The following SLC24A3 variants were observed in gnomAD, a reference collection of about 807,000 sequenced individuals.
SLC24A3 encodes solute carrier family 24 member 3.
In SLC24A3, 28 loss-of-function variants were observed where a neutral mutation model predicts 75.8. That is an observed-to-expected ratio of 0.37 (90% CI 0.27 to 0.51). SLC24A3 has a LOEUF of 0.51. Ranked by LOEUF, SLC24A3 falls within the 20% of genes least tolerant of loss-of-function variation. SLC24A3 has a pLI of 0.94. For synonymous variants in SLC24A3, 372 were observed against 334.1 expected (o/e 1.11, Z -1.24); for missense variants, 663 against 847.8 (o/e 0.78, Z 2.71).
At chr20:19,469,444 G>T (rs149938888) in intron 2 of SLC24A3, among the ~76,000 whole-genome samples, 1 of 152,142 alleles carries the variant, frequency 6.6e-6, no homozygotes, top group Non-Finnish European at 1.5e-5. Flanking sequence ...TTCCCAAGCC[G>T]CCCCTGGTCA....
chr20:19,290,636 G>A (rs1983919657), intron 2 of SLC24A3, among the ~76,000 whole-genome samples: 2 of 152,136 alleles, frequency 1.3e-5, no homozygotes, highest in South Asian at 4.1e-4. Context: ...AATTTCTGTT[G>A]TTTATAGGCC....
chr20:19,530,861 C>A (rs1233767041), intron 3 of SLC24A3, among the ~76,000 whole-genome samples: 1 of 152,166 alleles, frequency 6.6e-6, no homozygotes, highest in African/African-American at 2.4e-5. Context: ...CCATACCCAC[C>A]TGTCCAGAGT....
rs572277970 is a variant in SLC24A3 at position 19,348,368 on chromosome 20, A to G, written c.271+67281A>G. Reference sequence around the variant, plus strand: ...TCTCCCACATGTGGCAAACACAGTCATAGCTGGAGGTCCATTGTCGGTTGT... The same window carrying G: ...TCTCCCACATGTGGCAAACACAGTCGTAGCTGGAGGTCCATTGTCGGTTGT... On this transcript the variant is annotated intron_variant, in intron 2 of 16. Coordinates refer to ENST00000328041, the MANE Select transcript of SLC24A3 (RefSeq NM_020689.4). 2.0e-5 allele frequency among the ~76,000 whole-genome samples: 3 copies of G among 152,324 alleles called. No homozygotes were observed. The South Asian group carries it at 6.2e-4, about 32-fold the overall frequency.
intron 2 of SLC24A3, among the ~76,000 whole-genome samples, chr20:19,329,783 T>C (rs1231196812): frequency 6.6e-6 from 1 of 152,234 alleles, no homozygotes; most frequent in Admixed American, 6.5e-5. Flanking sequence ...AACATGTTCC[T>C]TGATTCCAAG....
At chr20:19,462,456 C>T (rs1381993725) in intron 2 of SLC24A3, among the ~76,000 whole-genome samples, 2 of 152,128 alleles carry the variant, frequency 1.3e-5, no homozygotes, top group African/African-American at 4.8e-5. Context: ...GCTGCTGTTG[C>T]CTGGGGTTGG....
intron 3 of SLC24A3, among the ~76,000 whole-genome samples, chr20:19,556,737 T>C (rs902495180): frequency 6.6e-6 from 1 of 152,134 alleles, no homozygotes; most frequent in African/African-American, 2.4e-5. Context: ...AGTGGTATTT[T>C]CTCTCTTAAT....
chr20:19,455,329 A>G (rs531428245), intron 2 of SLC24A3, among the ~76,000 whole-genome samples: 3 of 152,332 alleles, frequency 2.0e-5, no homozygotes, highest in Admixed American at 6.5e-5. Context: ...TATCATCACT[A>G]TTAGGTAACC....
chr20:19,532,537 C>G (rs769654445), intron 3 of SLC24A3, among the ~76,000 whole-genome samples: 34 of 152,196 alleles, frequency 2.2e-4, no homozygotes, highest in Non-Finnish European at 4.1e-4. Flanking sequence ...AGCCATTCAC[C>G]TGAGTTCATC....
intron 15 of SLC24A3, among the ~76,000 whole-genome samples, chr20:19,711,347 A>G (rs2328441): frequency 0.68 from 102,899 of 150,758 alleles, 35,497 homozygotes; most frequent in East Asian, 0.94. Context: ...GTGCAAACAT[A>G]CCACACACAT....
intron 9 of SLC24A3, among the ~76,000 whole-genome samples, chr20:19,678,236 C>T (rs962872057): frequency 4.0e-5 from 6 of 149,128 alleles, no homozygotes; most frequent in Admixed American, 2.0e-4. Flanking sequence ...ACCTCCCAGA[C>T]GGGGTGGTGG....
intron 2 of SLC24A3, among the ~76,000 whole-genome samples, chr20:19,410,496 A>T (rs1600470017): frequency 6.6e-6 from 1 of 152,214 alleles, no homozygotes; most frequent in East Asian, 1.9e-4. Context: ...GAGAAAGAGA[A>T]CACTCAGGGA....
intron 2 of SLC24A3, among the ~76,000 whole-genome samples, chr20:19,371,857 C>T (rs1023137051): frequency 5.9e-5 from 9 of 152,052 alleles, no homozygotes; most frequent in Admixed American, 3.3e-4. Context: ...GGCTGGCATA[C>T]GGATATGGAT....
chr20:19,442,232 T>C (rs1247192899), intron 2 of SLC24A3, among the ~76,000 whole-genome samples: 3 of 152,224 alleles, frequency 2.0e-5, no homozygotes, highest in Admixed American at 2.0e-4. Context: ...AGGAACACAA[T>C]TGCCTGATCA....
intron 2 of SLC24A3, among the ~76,000 whole-genome samples, chr20:19,288,474 C>G (rs191193514): frequency 5.3e-5 from 8 of 152,290 alleles, no homozygotes; most frequent in Admixed American, 1.3e-4. Flanking sequence ...TGTCTGGAAT[C>G]TTTCTGAAAC....
At chr20:19,526,962 G>A (rs776321441) in intron 3 of SLC24A3, among the ~76,000 whole-genome samples, 1 of 152,114 alleles carries the variant, frequency 6.6e-6, no homozygotes, top group African/African-American at 2.4e-5. Flanking sequence ...CATAATCCAT[G>A]TGATGACTAT....
intron 1 of SLC24A3, among the ~76,000 whole-genome samples, chr20:19,269,700 A>T (rs1053622981): frequency 6.6e-6 from 1 of 152,186 alleles, no homozygotes; most frequent in African/African-American, 2.4e-5. Flanking sequence ...GTCATTCAGT[A>T]TAATGGTAGT....
intron 2 of SLC24A3, among the ~76,000 whole-genome samples, chr20:19,487,516 G>C (rs962254456): frequency 1.3e-5 from 2 of 152,104 alleles, no homozygotes; most frequent in Admixed American, 1.3e-4. Flanking sequence ...GCCTGATTTG[G>C]TAGGAAACCA....
At chr20:19,527,193 C>A (rs928328853) in intron 3 of SLC24A3, among the ~76,000 whole-genome samples, 1 of 152,166 alleles carries the variant, frequency 6.6e-6, no homozygotes, top group African/African-American at 2.4e-5. Flanking sequence ...TAGCACAGAT[C>A]TCCCTCTACT....
intron 2 of SLC24A3, among the ~76,000 whole-genome samples, chr20:19,490,083 G>A (rs921215339): frequency 6.6e-6 from 1 of 152,204 alleles, no homozygotes; most frequent in African/African-American, 2.4e-5. Flanking sequence ...GGATCCCACA[G>A]ATCTTCCTCC....
Sources: allele counts gnomAD v4.1 joint callset (sites outside exome capture counted in the v4.1 genomes callset), GRCh38; gene constraint gnomAD v4.1.1; transcripts MANE v1.5; gene names NCBI Gene and HGNC (gene_info 2026-07-23, HGNC 2026-07-21).